The following FBXO31 variants were observed in gnomAD, a reference collection of about 807,000 sequenced individuals.
The protein encoded by FBXO31 is F-box only protein 31.
Under a neutral mutation model 54.4 loss-of-function variants are expected in FBXO31, and 24 were observed. The ratio of observed to expected loss-of-function variants is 0.44; its 90% CI spans 0.32 to 0.62. The LOEUF (loss-of-function observed/expected upper bound fraction) is 0.62, where lower values mean the gene tolerates loss of function less well. Among genes scored for constraint, FBXO31 ranks in the 20% least tolerant of loss-of-function variants. FBXO31 has a pLI of 0.05. For missense variants in FBXO31, 665 were observed against 787.1 expected (o/e 0.84, Z 1.86); for synonymous variants, 388 against 335.6 (o/e 1.16, Z -1.71).
At chr16:87,342,591 G>A (rs1905226947) in intron 5 of FBXO31, among the ~76,000 whole-genome samples, 2 of 152,232 alleles carry the variant, frequency 1.3e-5, no homozygotes, top group South Asian at 4.1e-4. Context: ...CCCTCAGCAA[G>A]TGGATGTGCC....
chr16:87,338,250 CAG>C lies in FBXO31; in HGVS notation c.733-1988_733-1987del, dbSNP rs972294355. Among the ~76,000 whole-genome samples, 1 of 150,304 alleles carries C rather than the reference CAG, an allele frequency of 6.7e-6. No individual in the cohort carries two copies. The highest frequency in any genetic ancestry group is 2.5e-5 in the African/African-American group (1 of 40,614). On this transcript the variant is annotated intron_variant, in intron 5 of 8. Coordinates refer to ENST00000311635, the MANE Select transcript of FBXO31 (RefSeq NM_024735.5). This position sits in a 1 kb window ranked among gnomAD's most constrained non-coding sequence, Gnocchi z 4.3. Reference sequence around the variant, plus strand: ...ACAAGCCACAAGAAAAAAAAAAAAACAGGGAGCCCAGGACATGCACGACAACG... The same window carrying C: ...ACAAGCCACAAGAAAAAAAAAAAAACGGAGCCCAGGACATGCACGACAACG...
chr16:87,363,870 C>T (rs1317699342), intron 1 of FBXO31, among the ~76,000 whole-genome samples: 3 of 152,218 alleles, frequency 2.0e-5, no homozygotes, highest in African/African-American at 7.2e-5. Context: ...GTTAAAGGAA[C>T]TGGACCGGAT....
chr16:87,368,365 T>C (rs746033693), intron 1 of FBXO31, among the ~76,000 whole-genome samples: 30 of 152,220 alleles, frequency 2.0e-4, no homozygotes, highest in African/African-American at 6.8e-4. Context: ...CCTTTTATTG[T>C]TCTATAAACC....
At position 87,331,052 on chromosome 16, in the gene FBXO31, G is replaced by A. The variant is rs533793773; in HGVS notation, c.*236C>T. On this transcript the variant is annotated 3_prime_UTR_variant, in exon 9 of 9. Transcript: ENST00000311635. ...CCCTACATCTGCTGTATTCAGGCTC[G>A]TTCTCTCTGTTTTTGGTAAGACATG... 3.3e-4 allele frequency: 169 copies of A among 514,620 alleles called. 1 individual carries two copies. The highest frequency in any genetic ancestry group is 4.9e-4 in the Admixed American group (15 of 30,564). The allele number at this position is 514,620 out of a possible 1,614,324, so 31.9% of individuals were successfully genotyped here. A position where few individuals can be genotyped will look rare whatever the true frequency, so the allele number is the denominator to read the frequency against.
Position 87,331,180 on chromosome 16 carries a change from G to T in FBXO31, c.*108C>A. The T allele has an allele frequency of 9.1e-7, 1 of 1,097,084 alleles. No individual in the cohort carries two copies. Among genetic ancestry groups the T allele is most frequent in the Non-Finnish European group, 1.3e-6 (1 of 747,942 alleles). 68.0% of individuals were successfully genotyped at this position (1,097,084 alleles called of 1,614,324 possible). A position where few individuals can be genotyped will look rare whatever the true frequency, so the allele number is the denominator to read the frequency against. On this transcript the variant is annotated 3_prime_UTR_variant, in exon 9 of 9. Coordinates refer to ENST00000311635, the MANE Select transcript of FBXO31 (RefSeq NM_024735.5). ...TGGACTGGGCCCCCCGACGAGGTGT[G>T]CGTTCTGGTCAAAAGGCCGGATTTC...
At chr16:87,384,808 C>T (rs141424161), upstream of FBXO31, among the ~76,000 whole-genome samples, 425 of 152,076 alleles carry the variant, frequency 2.8e-3, 2 homozygotes, top group South Asian at 8.3e-3. Flanking sequence ...TGTAGTGACC[C>T]GTGATGGTGC....
intron 1 of FBXO31, among the ~76,000 whole-genome samples, chr16:87,382,584 C>G (rs1817701389): frequency 6.6e-6 from 1 of 152,172 alleles, no homozygotes; most frequent in Non-Finnish European, 1.5e-5. Context: ...CTCTACGCCC[C>G]CACCATCAGG....
rs774290833 is a variant in FBXO31 at position 87,342,889 on chromosome 16, G to A, written c.720C>T (p.Gly240=). The A allele has an allele frequency of 1.1e-5, 17 of 1,601,732 alleles. No individual in the cohort carries two copies. The highest frequency in any genetic ancestry group is 1.4e-5 in the Non-Finnish European group (16 of 1,174,532). The part of the protein sequence containing the change: ...CNQTDHHRMS[G]GRQEEFRTWL... ...CTGGTGGGCTCACCTCCTGCCTCCC[G>A]CCGGACATCCTGTGGTGGTCCGTCT... Residue 240 remains glycine (G), a synonymous_variant, in exon 5 of 9, where the codon GGC becomes GGT. Coordinates refer to ENST00000311635, the MANE Select transcript of FBXO31 (RefSeq NM_024735.5).
intron 2 of FBXO31, among the ~76,000 whole-genome samples, chr16:87,352,295 T>G (rs968733374): frequency 6.6e-6 from 1 of 152,122 alleles, no homozygotes; most frequent in Non-Finnish European, 1.5e-5. Context: ...GTTACGCAGT[T>G]TTTCAGTACC....
chr16:87,343,066 C>A (rs374210909), intron 4 of FBXO31, 115 bp from the exon 5 acceptor site: 2 of 810,458 alleles, frequency 2.5e-6, no homozygotes, highest in East Asian at 2.7e-5. Context: ...CCAAACCCCA[C>A]TGCAGGCACC....
In FBXO31 at chr16:87,335,007, T is replaced by C. The variant is rs773890953; in HGVS notation, c.996+297A>G. ...CTGAGCCTCTGTGTGGGGTCTGCTGTCCAGACTTCCTAAACCCCACAGGGC... is the reference window on the plus strand; with the variant it reads ...CTGAGCCTCTGTGTGGGGTCTGCTGCCCAGACTTCCTAAACCCCACAGGGC... On this transcript the variant is annotated intron_variant, in intron 7 of 8. Coordinates refer to ENST00000311635, the MANE Select transcript of FBXO31 (RefSeq NM_024735.5). This position sits in a 1 kb window ranked among gnomAD's most constrained non-coding sequence, Gnocchi z 5.7. 1.5e-4 allele frequency among the ~76,000 whole-genome samples: 23 copies of C among 152,140 alleles called. No homozygotes were observed. The highest frequency in any genetic ancestry group is 7.4e-5 in the Non-Finnish European group (5 of 68,012).
chr16:87,390,133 T>C (rs994346399), upstream of FBXO31, among the ~76,000 whole-genome samples: 3 of 152,138 alleles, frequency 2.0e-5, no homozygotes, highest in Middle Eastern at 3.4e-3. Context: ...ATACAAAAAT[T>C]AGCTGGGCGT....
At chr16:87,365,037 A>ATATATATATCTATATC (rs1489132121) in intron 1 of FBXO31, among the ~76,000 whole-genome samples, 2 of 106,892 alleles carry the variant, frequency 1.9e-5, no homozygotes, top group African/African-American at 7.0e-5. Context: ...ATATATATAT[A>ATATATATATCTATATC]TATCAGGCAG....
chr16:87,359,225 G>T (rs1473933298), intron 2 of FBXO31, among the ~76,000 whole-genome samples: 1 of 152,216 alleles, frequency 6.6e-6, no homozygotes, highest in African/African-American at 2.4e-5. Flanking sequence ...AATCAGCAGT[G>T]AAAAGAAATC....
chr16:87,342,176 T>A (rs541507385), intron 5 of FBXO31, among the ~76,000 whole-genome samples: 1 of 152,240 alleles, frequency 6.6e-6, no homozygotes, highest in South Asian at 2.1e-4. Context: ...GACAATCCTC[T>A]CACCTCAGCC....
upstream of FBXO31, among the ~76,000 whole-genome samples, chr16:87,391,300 C>T (rs1226379373): frequency 6.6e-6 from 1 of 152,210 alleles, no homozygotes; most frequent in East Asian, 1.9e-4. Flanking sequence ...GAGCAAGACC[C>T]TGTCTCAAAA....
intron 1 of FBXO31, chr16:87,362,595 C>G (rs974700037): frequency 6.6e-6 from 1 of 152,228 alleles, no homozygotes; most frequent in African/African-American, 2.4e-5. Context: ...GAGTCTCGCT[C>G]TGTTGCCCAG....
intron 1 of FBXO31, among the ~76,000 whole-genome samples, chr16:87,377,471 A>G (rs934887021): frequency 6.6e-6 from 1 of 152,196 alleles, no homozygotes; most frequent in African/African-American, 2.4e-5. Context: ...AAATTTTGCC[A>G]AAGTCACTAT....
At chr16:87,377,112 T>C (rs564955705) in intron 1 of FBXO31, among the ~76,000 whole-genome samples, 1 of 152,340 alleles carries the variant, frequency 6.6e-6, no homozygotes, top group Admixed American at 6.5e-5. Flanking sequence ...AAACTGATCA[T>C]TTAAGCATAA....
Sources: allele counts gnomAD v4.1 joint callset (sites outside exome capture counted in the v4.1 genomes callset), GRCh38; gene constraint gnomAD v4.1.1; non-coding constraint Gnocchi (gnomAD v3.1); transcripts MANE v1.5; gene names NCBI Gene and HGNC (gene_info 2026-07-23, HGNC 2026-07-21).